The following BBS9 variants were observed in gnomAD, a reference collection of about 807,000 sequenced individuals.
BBS9 encodes Bardet-Biedl syndrome 9.
In BBS9, 89 loss-of-function variants were observed where a neutral mutation model predicts 117.7. That is an observed-to-expected ratio of 0.76 (90% CI 0.64 to 0.90). The LOEUF (loss-of-function observed/expected upper bound fraction) is 0.90, where lower values mean the gene tolerates loss of function less well. Among genes scored for constraint, BBS9 ranks in the 40% least tolerant of loss-of-function variants. The pLI is 0.00. For missense variants in BBS9, 982 were observed against 1,042.2 expected, an observed-to-expected ratio of 0.94 and a Z score of 0.80; for synonymous variants, 379 against 370.9, an observed-to-expected ratio of 1.02 and a Z score of -0.25.
intron 19 of BBS9, among the ~76,000 whole-genome samples, chr7:33,435,522 A>G (rs1835166529): frequency 6.6e-6 from 1 of 152,000 alleles, no homozygotes; most frequent in South Asian, 2.1e-4. Flanking sequence ...AGGCTAGACC[A>G]AGGACTCTAT....
At chr7:33,283,394 A>G (rs1802276805) in intron 9 of BBS9, among the ~76,000 whole-genome samples, 1 of 151,920 alleles carries the variant, frequency 6.6e-6, no homozygotes, top group Non-Finnish European at 1.5e-5. Context: ...CTCCTCATCA[A>G]TTAATTATTT....
intron 9 of BBS9, among the ~76,000 whole-genome samples, chr7:33,330,199 GA>G (rs1230351206): frequency 6.6e-6 from 1 of 152,034 alleles, no homozygotes; most frequent in Non-Finnish European, 1.5e-5. Flanking sequence ...TATTTTAGTA[GA>G]GATGGGGTTT....
At chr7:33,322,878 A>T (rs1050062930) in intron 9 of BBS9, among the ~76,000 whole-genome samples, 1 of 152,098 alleles carries the variant, frequency 6.6e-6, no homozygotes, top group Non-Finnish European at 1.5e-5. Context: ...TTATAGCAGT[A>T]AAGTTCCCTT....
chr7:33,486,653 A>C (rs746737946), intron 19 of BBS9, among the ~76,000 whole-genome samples: 1 of 152,182 alleles, frequency 6.6e-6, no homozygotes. Context: ...TCAAACTCCT[A>C]TTCTTTCCTG....
chr7:33,194,300 C>T (rs1784607869), intron 5 of BBS9, among the ~76,000 whole-genome samples: 1 of 152,062 alleles, frequency 6.6e-6, no homozygotes, highest in South Asian at 2.1e-4. Context: ...AGCCTCACCC[C>T]TCCTTCTCCT....
At chr7:33,181,689 C>A (rs1798120267) in intron 5 of BBS9, among the ~76,000 whole-genome samples, 2 of 152,222 alleles carry the variant, frequency 1.3e-5, no homozygotes, top group South Asian at 4.1e-4. Context: ...ACACCTTTAA[C>A]TTTAGCCGAT....
chr7:33,545,923 C>CTTT (rs1853264519), intron 21 of BBS9, among the ~76,000 whole-genome samples: 1 of 106,858 alleles, frequency 9.4e-6, no homozygotes, highest in African/African-American at 4.0e-5. Context: ...GCTTTATAAT[C>CTTT]CTTTTTTTTT....
intron 19 of BBS9, among the ~76,000 whole-genome samples, chr7:33,470,813 G>A (rs1040621048): frequency 5.9e-5 from 9 of 152,150 alleles, no homozygotes; most frequent in African/African-American, 1.9e-4. Flanking sequence ...GGAGACCTGG[G>A]CAGCTAAATG....
intron 19 of BBS9, among the ~76,000 whole-genome samples, chr7:33,477,583 A>G (rs550543078): frequency 1.3e-5 from 2 of 152,274 alleles, no homozygotes; most frequent in Non-Finnish European, 1.5e-5. Flanking sequence ...TCCCAATCAC[A>G]TGGATTTGAT....
chr7:33,227,065 C>T (rs1791419371), intron 5 of BBS9, among the ~76,000 whole-genome samples: 1 of 151,930 alleles, frequency 6.6e-6, no homozygotes, highest in Admixed American at 6.6e-5. Context: ...TTTTAAAAAC[C>T]ACATAGCACC....
Position 33,231,889 on chromosome 7 carries a change from A to T in BBS9, c.443-25347A>T, listed in dbSNP as rs188594678. 1.4e-4 allele frequency among the ~76,000 whole-genome samples: 21 copies of T among 152,176 alleles called. No individual in the cohort carries two copies. The East Asian group carries it at 3.7e-3, about 27-fold the overall frequency. Reference sequence around the variant, plus strand: ...AGGATGTCCTATATGCCATTATGGGATAAATAGAAGCATCACTGGCCTCTA... The same window carrying T: ...AGGATGTCCTATATGCCATTATGGGTTAAATAGAAGCATCACTGGCCTCTA... On this transcript the variant is annotated intron_variant, in intron 5 of 22. Transcript: ENST00000242067.
intron 16 of BBS9, 36 bp from the exon 17 acceptor site, chr7:33,367,731 T>C: frequency 6.3e-7 from 1 of 1,591,888 alleles, no homozygotes; most frequent in Non-Finnish European, 8.6e-7. Context: ...TTTTGCCTTC[T>C]GGTTACATAA....
intron 21 of BBS9, among the ~76,000 whole-genome samples, chr7:33,582,167 G>C (rs556316856): frequency 1.1e-3 from 172 of 152,172 alleles, no homozygotes; most frequent in African/African-American, 4.0e-3. Flanking sequence ...CTCAGTCAGG[G>C]CACTGGGTGA....
intron 5 of BBS9, among the ~76,000 whole-genome samples, chr7:33,207,192 G>A (rs544585076): frequency 6.6e-6 from 1 of 152,186 alleles, no homozygotes; most frequent in African/African-American, 2.4e-5. Flanking sequence ...CAACTAATAA[G>A]GAAATGTAAA....
At chr7:33,226,998 C>T (rs1018436003) in intron 5 of BBS9, among the ~76,000 whole-genome samples, 8 of 151,980 alleles carry the variant, frequency 5.3e-5, no homozygotes, top group Non-Finnish European at 1.0e-4. Context: ...ATGAATGTAC[C>T]TAATGCCACA....
At chr7:33,492,203 G>GAAAAAAAAAAAAAAAAA (rs138972197) in intron 19 of BBS9, among the ~76,000 whole-genome samples, 2 of 72,418 alleles carry the variant, frequency 2.8e-5, no homozygotes, top group Non-Finnish European at 4.9e-5. Context: ...ATTCCACCTC[G>GAAAAAAAAAAAAAAAAA]AAAAAAAAAA....
At chr7:33,613,641 G>A (rs905377900) in intron 21 of BBS9, among the ~76,000 whole-genome samples, 1 of 151,898 alleles carries the variant, frequency 6.6e-6, no homozygotes, top group Non-Finnish European at 1.5e-5. Flanking sequence ...GATATTTTTT[G>A]ATCCTCGCAA....
chr7:33,160,011 T>C (rs1363876800), intron 4 of BBS9, among the ~76,000 whole-genome samples: 1 of 152,172 alleles, frequency 6.6e-6, no homozygotes, highest in African/African-American at 2.4e-5. Flanking sequence ...TAATGCTCAA[T>C]GTGATGCATT....
At chr7:33,364,969 T>A (rs1821388446) in intron 16 of BBS9, among the ~76,000 whole-genome samples, 1 of 151,920 alleles carries the variant, frequency 6.6e-6, no homozygotes, top group African/African-American at 2.4e-5. Context: ...GCTCAAATGA[T>A]GTGCCTGCCT....
Sources: gnomAD v4.1 joint callset for allele counts (sites outside exome capture counted in the v4.1 genomes callset) on GRCh38, gnomAD v4.1.1 for gene constraint, MANE v1.5 for transcripts, NCBI Gene and HGNC (gene_info 2026-07-23, HGNC 2026-07-21) for gene names.